The following CNTN5 variants were observed in gnomAD, a reference collection of about 807,000 sequenced individuals.
CNTN5 encodes the protein contactin 5.
CNTN5 carries 77 observed loss-of-function variants against 129.1 expected under a neutral mutation model. That is an observed-to-expected ratio of 0.60 (90% CI 0.50 to 0.72). CNTN5 has a LOEUF of 0.72. Among genes scored for constraint, CNTN5 ranks in the 30% least tolerant of loss-of-function variants. CNTN5 has a pLI of 0.00. For missense variants in CNTN5, 1,478 were observed against 1,328.8 expected, an observed-to-expected ratio of 1.11 and a Z score of -1.75; for synonymous variants, 509 against 465.6, an observed-to-expected ratio of 1.09 and a Z score of -1.20.
intron 15 of CNTN5, among the ~76,000 whole-genome samples, chr11:100,201,984 C>A (rs564740286): frequency 1.3e-5 from 2 of 152,098 alleles, no homozygotes; most frequent in African/African-American, 4.8e-5. Context: ...TCCAGAATTA[C>A]ATCTCTCACC....
At chr11:99,184,930 C>T (rs117961038) in intron 1 of CNTN5, among the ~76,000 whole-genome samples, 6,623 of 151,604 alleles carry the variant, frequency 0.044, 191 homozygotes, top group Non-Finnish European at 0.066. Flanking sequence ...TCGTGTATAA[C>T]GTTTAAATAA....
chr11:99,589,677 G>A (rs1949916364), intron 3 of CNTN5, among the ~76,000 whole-genome samples: 1 of 152,090 alleles, frequency 6.6e-6, no homozygotes, highest in Admixed American at 6.6e-5. Flanking sequence ...AGATATATGA[G>A]TAGAAAGAAA....
At chr11:99,432,011 AT>A (rs1337256892) in intron 2 of CNTN5, among the ~76,000 whole-genome samples, 1 of 152,058 alleles carries the variant, frequency 6.6e-6, no homozygotes, top group East Asian at 1.9e-4. Context: ...TCAAATATGT[AT>A]TCCTCTCCAG....
At chr11:100,187,240 TC>T (rs1482666613) in intron 13 of CNTN5, among the ~76,000 whole-genome samples, 1 of 152,188 alleles carries the variant, frequency 6.6e-6, no homozygotes, top group Non-Finnish European at 1.5e-5. Flanking sequence ...CGATTTTGTA[TC>T]CTGTAACTTT....
At chr11:99,511,925 C>T (rs1163266924) in intron 2 of CNTN5, among the ~76,000 whole-genome samples, 1 of 151,678 alleles carries the variant, frequency 6.6e-6, no homozygotes, top group Admixed American at 6.6e-5. Context: ...GTGTTTTAAG[C>T]TCAATGTTAT....
chr11:99,800,100 G>T (rs553337580), intron 3 of CNTN5, among the ~76,000 whole-genome samples: 1 of 151,824 alleles, frequency 6.6e-6, no homozygotes, highest in Non-Finnish European at 1.5e-5. Context: ...TAGATATTTA[G>T]TGTAATAAAC....
intron 3 of CNTN5, among the ~76,000 whole-genome samples, chr11:99,800,859 C>CT (rs1309298051): frequency 2.0e-5 from 3 of 152,022 alleles, no homozygotes; most frequent in Non-Finnish European, 4.4e-5. Flanking sequence ...GATGGGTTGT[C>CT]TTTTTTTATT....
intron 1 of CNTN5, among the ~76,000 whole-genome samples, chr11:99,058,522 G>GC (rs1449905083): frequency 6.6e-6 from 1 of 151,928 alleles, no homozygotes; most frequent in African/African-American, 2.4e-5. Flanking sequence ...GAGCTAAGCA[G>GC]CTTTACCACA....
At chr11:99,741,779 C>T (rs1412388421) in intron 3 of CNTN5, among the ~76,000 whole-genome samples, 1 of 151,924 alleles carries the variant, frequency 6.6e-6, no homozygotes, top group Non-Finnish European at 1.5e-5. Context: ...TTTTATCTAC[C>T]TTAAGGCAGG....
At chr11:100,038,062 G>A (rs1265766423) in intron 9 of CNTN5, among the ~76,000 whole-genome samples, 1 of 151,576 alleles carries the variant, frequency 6.6e-6, no homozygotes, top group African/African-American at 2.4e-5. Context: ...GTGATGTTAG[G>A]GTGTCAATTT....
intron 8 of CNTN5, among the ~76,000 whole-genome samples, chr11:99,963,543 C>T (rs1951009752): frequency 6.6e-6 from 1 of 152,110 alleles, no homozygotes; most frequent in South Asian, 2.1e-4. Context: ...TAGTACCATG[C>T]TGTTTTGGTT....
At chr11:99,334,196 A>G (rs1342191739) in intron 2 of CNTN5, among the ~76,000 whole-genome samples, 6 of 152,046 alleles carry the variant, frequency 3.9e-5, no homozygotes, top group Admixed American at 3.9e-4. Flanking sequence ...AACAAATTTT[A>G]TTGTCTGGCT....
intron 23 of CNTN5, among the ~76,000 whole-genome samples, chr11:100,348,511 T>C (rs2139033066): frequency 6.6e-6 from 1 of 152,184 alleles, no homozygotes; most frequent in East Asian, 1.9e-4. Context: ...GAACATTAGA[T>C]ATGCATTGCT....
intron 1 of CNTN5, among the ~76,000 whole-genome samples, chr11:99,104,871 TA>T (rs1866922442): frequency 6.6e-6 from 1 of 152,122 alleles, no homozygotes; most frequent in South Asian, 2.1e-4. Context: ...AATTAAAAAT[TA>T]TACTAAAATT....
intron 10 of CNTN5, among the ~76,000 whole-genome samples, chr11:100,070,207 A>G (rs1943861876): frequency 6.6e-6 from 1 of 151,984 alleles, no homozygotes; most frequent in Non-Finnish European, 1.5e-5. Context: ...GCATAGTTAA[A>G]ATAGCATTTT....
intron 16 of CNTN5, among the ~76,000 whole-genome samples, chr11:100,253,720 T>A (rs949553046): frequency 6.6e-6 from 1 of 152,146 alleles, no homozygotes; most frequent in Non-Finnish European, 1.5e-5. Flanking sequence ...CTTTACCTTA[T>A]CCTTAGTCGC....
intron 4 of CNTN5, among the ~76,000 whole-genome samples, chr11:99,836,631 G>A (rs1001009943): frequency 5.9e-5 from 9 of 152,114 alleles, no homozygotes; most frequent in African/African-American, 1.7e-4. Context: ...ATAGCAGCAT[G>A]ATTTATAATC....
chr11:99,805,657 C>T (rs1946246438), intron 3 of CNTN5, among the ~76,000 whole-genome samples: 1 of 152,098 alleles, frequency 6.6e-6, no homozygotes, highest in South Asian at 2.1e-4. Context: ...TATAATTAAA[C>T]ATTACGGGAA....
intron 2 of CNTN5, among the ~76,000 whole-genome samples, chr11:99,494,764 G>A (rs1337157272): frequency 6.6e-6 from 1 of 152,088 alleles, no homozygotes; most frequent in Non-Finnish European, 1.5e-5. Flanking sequence ...CCAAGTAAAG[G>A]TGTCGTTTGA....
Sources: gnomAD v4.1 joint callset for allele counts (sites outside exome capture counted in the v4.1 genomes callset) on GRCh38, gnomAD v4.1.1 for gene constraint, MANE v1.5 for transcripts, NCBI Gene and HGNC (gene_info 2026-07-23, HGNC 2026-07-21) for gene names.